The following LINGO2 variants were observed in gnomAD, a reference collection of about 807,000 sequenced individuals.
LINGO2 encodes the protein leucine-rich repeat and immunoglobulin-like domain-containing nogo receptor-interacting protein 2.
Under a neutral mutation model 30.6 loss-of-function variants are expected in LINGO2, and 14 were observed. The observed-to-expected ratio is 0.46, with a 90% CI of 0.30 to 0.72. The LOEUF (loss-of-function observed/expected upper bound fraction) is 0.72, where lower values mean the gene tolerates loss of function less well. Among genes scored for constraint, LINGO2 ranks in the 30% least tolerant of loss-of-function variants. LINGO2 has a pLI of 0.07. For synonymous variants in LINGO2, 317 were observed against 288.5 expected, an observed-to-expected ratio of 1.10 and a Z score of -1.00; for missense variants, 729 against 751.7, an observed-to-expected ratio of 0.97 and a Z score of 0.35.
chr9:28,770,858 C>A, the LINGO2 span, among the ~76,000 whole-genome samples: 4 of 152,076 alleles, frequency 2.6e-5, no homozygotes, highest in Non-Finnish European at 5.9e-5. Context: ...GTTGGTCAGA[C>A]CAAAAGAAGG....
At chr9:28,034,433 G>A (rs1256718138) in intron 4 of LINGO2, among the ~76,000 whole-genome samples, 1 of 152,130 alleles carries the variant, frequency 6.6e-6, no homozygotes, top group African/African-American at 2.4e-5. Flanking sequence ...TATATTCCAG[G>A]CAGTTAGTTG....
At chr9:28,914,388 C>T in the LINGO2 span, among the ~76,000 whole-genome samples, 1 of 152,106 alleles carries the variant, frequency 6.6e-6, no homozygotes, top group Non-Finnish European at 1.5e-5. Flanking sequence ...AGTTAGCTAT[C>T]AATATCAAGC....
the LINGO2 span, among the ~76,000 whole-genome samples, chr9:28,761,760 T>A: frequency 6.6e-6 from 1 of 151,968 alleles, no homozygotes; most frequent in East Asian, 1.9e-4. Context: ...GGTAACACAA[T>A]TAGCTAACAC....
At chr9:29,160,264 T>A in the LINGO2 span, among the ~76,000 whole-genome samples, 1 of 152,170 alleles carries the variant, frequency 6.6e-6, no homozygotes, top group African/African-American at 2.4e-5. Context: ...CCAGACCCAA[T>A]ATACTTTCCA....
intron 5 of LINGO2, among the ~76,000 whole-genome samples, chr9:27,960,444 C>T (rs535018185): frequency 2.0e-4 from 31 of 152,258 alleles, no homozygotes; most frequent in Middle Eastern, 3.4e-3. Context: ...GATTCCCTAT[C>T]TTGCAGCTAT....
At chr9:28,151,283 A>G (rs1827993263) in intron 4 of LINGO2, among the ~76,000 whole-genome samples, 1 of 152,032 alleles carries the variant, frequency 6.6e-6, no homozygotes, top group Non-Finnish European at 1.5e-5. Context: ...AAAGACTAAA[A>G]TCTCCTTTAA....
intron 2 of LINGO2, among the ~76,000 whole-genome samples, chr9:28,456,565 G>A (rs1057255604): frequency 2.6e-5 from 4 of 152,146 alleles, no homozygotes; most frequent in African/African-American, 9.7e-5. Context: ...TCATTTTCCA[G>A]AGCACAGACA....
At chr9:28,703,451 A>G in the LINGO2 span, among the ~76,000 whole-genome samples, 1 of 151,338 alleles carries the variant, frequency 6.6e-6, no homozygotes, top group African/African-American at 2.4e-5. Context: ...TTCTAACTTA[A>G]TTTCACTCTG....
chr9:28,990,907 G>T, the LINGO2 span, among the ~76,000 whole-genome samples: 1 of 152,136 alleles, frequency 6.6e-6, no homozygotes, highest in East Asian at 1.9e-4. Context: ...AAACCACAAA[G>T]ATGGGGAAAA....
intron 1 of LINGO2, among the ~76,000 whole-genome samples, chr9:28,635,658 G>A (rs1301469010): frequency 6.6e-6 from 1 of 151,916 alleles, no homozygotes; most frequent in Non-Finnish European, 1.5e-5. Context: ...TTTAATTTGG[G>A]TTTAAAAGTC....
intron 4 of LINGO2, among the ~76,000 whole-genome samples, chr9:28,050,563 C>A (rs1459653190): frequency 1.3e-5 from 2 of 150,732 alleles, no homozygotes; most frequent in Non-Finnish European, 2.9e-5. Context: ...GGGTTCTAAT[C>A]CCCTCCATAC....
At chr9:28,831,205 G>T in the LINGO2 span, among the ~76,000 whole-genome samples, 1 of 152,170 alleles carries the variant, frequency 6.6e-6, no homozygotes, top group African/African-American at 2.4e-5. Flanking sequence ...TCCCTTCCTT[G>T]TGTTAATTAC....
intron 5 of LINGO2, among the ~76,000 whole-genome samples, chr9:27,964,849 C>T (rs1380270389): frequency 5.9e-5 from 9 of 152,116 alleles, no homozygotes; most frequent in Non-Finnish European, 1.0e-4. Flanking sequence ...ATTCCATAGT[C>T]TCTAGGAATA....
At chr9:28,318,110 G>A (rs1191586216) in intron 3 of LINGO2, among the ~76,000 whole-genome samples, 5 of 152,138 alleles carry the variant, frequency 3.3e-5, no homozygotes, top group South Asian at 2.1e-4. Flanking sequence ...GGTTCACTGA[G>A]TTAATATCAG....
intron 4 of LINGO2, among the ~76,000 whole-genome samples, chr9:28,164,468 T>C (rs1828372460): frequency 6.6e-6 from 1 of 152,160 alleles, no homozygotes; most frequent in Admixed American, 6.5e-5. Context: ...GAGATAAAAA[T>C]ACAGAAAGAG....
intron 1 of LINGO2, among the ~76,000 whole-genome samples, chr9:28,575,752 G>A (rs762953208): frequency 1.6e-4 from 24 of 152,030 alleles, no homozygotes; most frequent in Non-Finnish European, 3.4e-4. Flanking sequence ...TCTTATTTTG[G>A]ATAGATAAGA....
chr9:28,631,206 AG>A lies in LINGO2; in HGVS notation c.-365+38993del, dbSNP rs1265706505. On this transcript the variant is annotated intron_variant, in intron 1 of 5. Transcript: ENST00000379992. ...TTAAGTTCTAGGGTACATGTGCACA[AG>A]GTGCAGGTTTGTTACATATGTATAC... 5.3e-5 allele frequency among the ~76,000 whole-genome samples: 8 copies of A among 151,894 alleles called. No homozygotes were observed. In the East Asian group the frequency reaches 1.4e-3, roughly 26 times the overall value.
the LINGO2 span, among the ~76,000 whole-genome samples, chr9:28,756,319 G>T: frequency 6.6e-6 from 1 of 151,932 alleles, no homozygotes; most frequent in Non-Finnish European, 1.5e-5. Flanking sequence ...TTTGGAGCTG[G>T]AACATTAACC....
chr9:28,362,214 ATGTGTG>A (rs10631893), intron 3 of LINGO2, among the ~76,000 whole-genome samples: 88 of 151,112 alleles, frequency 5.8e-4, no homozygotes, highest in African/African-American at 1.9e-3. Context: ...TTGTGTGTGT[ATGTGTG>A]TGTGTGTGTG....
Sources: gnomAD v4.1 joint callset for allele counts (sites outside exome capture counted in the v4.1 genomes callset) on GRCh38, gnomAD v4.1.1 for gene constraint, MANE v1.5 for transcripts, NCBI Gene and HGNC (gene_info 2026-07-23, HGNC 2026-07-21) for gene names.